Variants in PRKG1 observed in about 807,000 individuals in gnomAD.
PRKG1 encodes cGMP-dependent protein kinase 1.
PRKG1 carries 35 observed loss-of-function variants against 88.1 expected under a neutral mutation model. The ratio of observed to expected loss-of-function variants is 0.40; its 90% confidence interval spans 0.30 to 0.53. The LOEUF is 0.53. PRKG1 is among the 20% of genes least tolerant of loss of function. The pLI is 0.59. For synonymous variants in PRKG1, 303 were observed against 292.5 expected (o/e 1.04, Z -0.37); for missense variants, 540 against 839.8 (o/e 0.64, Z 4.41).
At chr10:52,203,681 G>C (rs952375908) in intron 9 of PRKG1, among the ~76,000 whole-genome samples, 1 of 152,190 alleles carries the variant, frequency 6.6e-6, no homozygotes, top group African/African-American at 2.4e-5. Flanking sequence ...CTTGTTTTAT[G>C]AATCTAGCTG....
chr10:51,975,414 C>T (rs567623363), intron 5 of PRKG1, among the ~76,000 whole-genome samples: 1 of 151,924 alleles, frequency 6.6e-6, no homozygotes, highest in Non-Finnish European at 1.5e-5. Context: ...ATGACACAAT[C>T]AGAAAGCAGT....
rs372746068 is a variant in PRKG1 at position 51,977,332 on chromosome 10, G to C, written c.762+69762G>C. Among the ~76,000 whole-genome samples the C allele has an allele frequency of 2.4e-4, 36 of 152,116 alleles. No individual in the cohort carries two copies. The South Asian group carries it at 7.5e-3, about 32-fold the overall frequency. Reference sequence around the variant, plus strand: ...TTTTTATGTCTGCAGAGTATTCCATGGTGTATACGTACCACCTTTTCTTTT... The same window carrying C: ...TTTTTATGTCTGCAGAGTATTCCATCGTGTATACGTACCACCTTTTCTTTT... On this transcript the variant is annotated intron_variant, in intron 5 of 17. Transcript: ENST00000373980.
intron 5 of PRKG1, among the ~76,000 whole-genome samples, chr10:52,006,500 C>T (rs1417114805): frequency 6.6e-6 from 1 of 152,034 alleles, no homozygotes; most frequent in Non-Finnish European, 1.5e-5. Flanking sequence ...TTATTAACAG[C>T]AGAATAGACC....
At chr10:51,694,061 G>C (rs1282289724) in intron 3 of PRKG1, among the ~76,000 whole-genome samples, 15 of 152,030 alleles carry the variant, frequency 9.9e-5, no homozygotes, top group Admixed American at 9.2e-4. Flanking sequence ...TTCTTAACCA[G>C]AGCATTCTTG....
chr10:51,979,744 T>G (rs1022590392), intron 5 of PRKG1, among the ~76,000 whole-genome samples: 3 of 151,758 alleles, frequency 2.0e-5, no homozygotes, highest in South Asian at 2.1e-4. Context: ...ATCCAAAAAA[T>G]TTTCCCATTT....
intron 7 of PRKG1, among the ~76,000 whole-genome samples, chr10:52,118,689 A>T (rs1847745673): frequency 6.6e-6 from 1 of 152,008 alleles, no homozygotes; most frequent in African/African-American, 2.4e-5. Flanking sequence ...TTGGATATGA[A>T]TTTCTTTTCT....
At chr10:52,084,673 A>C (rs1846866535) in intron 7 of PRKG1, among the ~76,000 whole-genome samples, 1 of 152,052 alleles carries the variant, frequency 6.6e-6, no homozygotes, top group Non-Finnish European at 1.5e-5. Flanking sequence ...TATGTCACTC[A>C]GGAACAAGGA....
At chr10:52,052,837 A>G (rs1477697287) in intron 5 of PRKG1, among the ~76,000 whole-genome samples, 2 of 152,020 alleles carry the variant, frequency 1.3e-5, no homozygotes, top group Non-Finnish European at 2.9e-5. Flanking sequence ...ATTTGAGGTG[A>G]GAGGATCACT....
At chr10:51,892,276 G>A (rs1294721236) in intron 4 of PRKG1, among the ~76,000 whole-genome samples, 2 of 152,002 alleles carry the variant, frequency 1.3e-5, no homozygotes, top group African/African-American at 4.8e-5. Context: ...GTAGTAAAGA[G>A]GATTTTTCAA....
chr10:51,460,674 T>C (rs1839721656), intron 2 of PRKG1, among the ~76,000 whole-genome samples: 1 of 152,212 alleles, frequency 6.6e-6, no homozygotes, highest in African/African-American at 2.4e-5. Flanking sequence ...AGAAAGCTTA[T>C]GGAATCATGA....
At chr10:51,073,829 G>A (rs1449930968), upstream of PRKG1, among the ~76,000 whole-genome samples, 3 of 152,150 alleles carry the variant, frequency 2.0e-5, no homozygotes, top group Admixed American at 6.5e-5. Flanking sequence ...TTCTTCGCAA[G>A]CGTTAGCCAC....
intron 2 of PRKG1, among the ~76,000 whole-genome samples, chr10:51,387,795 A>G (rs1837290965): frequency 6.6e-6 from 1 of 152,098 alleles, no homozygotes; most frequent in Non-Finnish European, 1.5e-5. Flanking sequence ...CTTCTCCTCC[A>G]TTATGTTCTA....
rs371225830 is a variant in PRKG1, at chr10:52,233,380, T to A, written c.1077-18190T>A. Among the ~76,000 whole-genome samples, 6 of 151,528 alleles carry A rather than the reference T, an allele frequency of 4.0e-5. No individual in the cohort carries two copies. In the East Asian group the frequency reaches 1.2e-3, roughly 30 times the overall value. On this transcript the variant is annotated intron_variant, in intron 9 of 17. Coordinates refer to ENST00000373980, the MANE Select transcript of PRKG1 (RefSeq NM_006258.4). Reference sequence around the variant, plus strand: ...GTGAGCGACGCAGAAGACGGGTGATTTCTGCATTTCCATCTGAGGTACCGG... The same window carrying A: ...GTGAGCGACGCAGAAGACGGGTGATATCTGCATTTCCATCTGAGGTACCGG...
At chr10:51,034,666 A>ATTTT (rs5784854) in intron 1 of PRKG1, among the ~76,000 whole-genome samples, 33 of 25,754 alleles carry the variant, frequency 1.3e-3, no homozygotes, top group African/African-American at 5.4e-3. Flanking sequence ...ATAATATGTT[A>ATTTT]TTTATATATA....
intron 3 of PRKG1, among the ~76,000 whole-genome samples, chr10:51,527,063 A>C (rs1043397502): frequency 6.6e-6 from 1 of 152,206 alleles, no homozygotes; most frequent in African/African-American, 2.4e-5. Context: ...TACATGAAGA[A>C]ACGTGGCTGT....
chr10:51,496,403 C>G (rs2132882312), intron 3 of PRKG1, among the ~76,000 whole-genome samples: 1 of 152,228 alleles, frequency 6.6e-6, no homozygotes, highest in South Asian at 2.1e-4. Flanking sequence ...AACTTATCAG[C>G]ATGGGTTAAT....
chr10:51,886,536 T>C (rs1044240226), intron 4 of PRKG1, among the ~76,000 whole-genome samples: 33 of 152,190 alleles, frequency 2.2e-4, no homozygotes, highest in African/African-American at 7.0e-4. Context: ...ATTTCAGTCA[T>C]TGAAGATACA....
At chr10:51,175,420 C>T (rs559070456) in intron 2 of PRKG1, among the ~76,000 whole-genome samples, 80 of 152,092 alleles carry the variant, frequency 5.3e-4, no homozygotes, top group East Asian at 2.5e-3. Context: ...TTTTGATATA[C>T]GTTTGCCATT....
rs1243667870 is a variant in PRKG1 at position 51,520,380 on chromosome 10, T to TAAAAA, written c.592+52548_592+52549insAAAAA. 1.3e-4 allele frequency among the ~76,000 whole-genome samples: 19 copies of TAAAAA among 150,466 alleles called. No homozygotes were observed. In the South Asian group the frequency reaches 4.0e-3, roughly 31 times the overall value. On this transcript the variant is annotated intron_variant, in intron 3 of 17. Coordinates refer to ENST00000373980, the MANE Select transcript of PRKG1 (RefSeq NM_006258.4). Reference sequence around the variant, plus strand: ...TTTAAATTATATAGGATAATGAATGTAAAATAGAATGAAGACTCTAGATTA... The same window carrying TAAAAA: ...TTTAAATTATATAGGATAATGAATGTAAAAAAAAATAGAATGAAGACTCTAGATTA...
Sources: allele counts gnomAD v4.1 joint callset (sites outside exome capture counted in the v4.1 genomes callset), GRCh38; gene constraint gnomAD v4.1.1; transcripts MANE v1.5; gene names NCBI Gene and HGNC (gene_info 2026-07-23, HGNC 2026-07-21).